The following KIF1B variants were observed in gnomAD, a reference collection of about 807,000 sequenced individuals.
The protein encoded by KIF1B is kinesin-like protein KIF1B.
A neutral mutation model predicts 241.9 loss-of-function variants in KIF1B; 76 were observed. The observed-to-expected ratio is 0.31, with a 90% confidence interval of 0.26 to 0.38. KIF1B has a LOEUF of 0.38. Among genes scored for constraint, KIF1B ranks in the 10% least tolerant of loss-of-function variants. The probability of loss-of-function intolerance (pLI) is 1.00; values close to 1 mark genes in which losing one functional copy is unlikely to be tolerated. For missense variants in KIF1B, 1,622 were observed against 2,271.4 expected, an observed-to-expected ratio of 0.71 and a Z score of 5.81; for synonymous variants, 750 against 796.7, an observed-to-expected ratio of 0.94 and a Z score of 0.99.
At chr1:10,285,897 CT>C (rs1409761106) in intron 15 of KIF1B, among the ~76,000 whole-genome samples, 2 of 152,158 alleles carry the variant, frequency 1.3e-5, no homozygotes, top group Non-Finnish European at 2.9e-5. Context: ...GTTTATTTTC[CT>C]AACATTTTAT....
At chr1:10,348,165 C>T (rs1035180195) in intron 36 of KIF1B, among the ~76,000 whole-genome samples, 1 of 152,094 alleles carries the variant, frequency 6.6e-6, no homozygotes, top group African/African-American at 2.4e-5. Flanking sequence ...ACCAGAAGTT[C>T]TTAATAGGAA....
At chr1:10,308,424 T>G in intron 22 of KIF1B, 1 of 1,044,482 alleles carries the variant, frequency 9.6e-7, no homozygotes, top group East Asian at 5.7e-5. Context: ...AATGAAGTTT[T>G]GAATCTTCTT....
chr1:10,315,870 A>G (rs1044229222), intron 22 of KIF1B, among the ~76,000 whole-genome samples: 1 of 151,280 alleles, frequency 6.6e-6, no homozygotes, highest in African/African-American at 2.5e-5. Flanking sequence ...AGCCTGGCCA[A>G]CATGGTAAAA....
intron 48 of KIF1B, among the ~76,000 whole-genome samples, chr1:10,376,094 C>T (rs1638882289): frequency 6.6e-6 from 1 of 152,004 alleles, no homozygotes; most frequent in African/African-American, 2.4e-5. Context: ...TGAGCCACCA[C>T]ATCTGGCTTG....
rs1246771312 is a variant in KIF1B, at chr1:10,230,434, T to TC, written c.-79-1816_-79-1815insC. Among the ~76,000 whole-genome samples the TC allele has an allele frequency of 2.0e-4, 28 of 142,826 alleles. No homozygotes were observed. The Middle Eastern group carries it at 0.019, about 99-fold the overall frequency. 93.7% of individuals were successfully genotyped at this position (142,826 alleles called of 152,430 possible). A position where few individuals can be genotyped will look rare whatever the true frequency, so the allele number is the denominator to read the frequency against. ...TAACTAGAAAAATTGGTTGTTTTTTTTTTCTTTCTTTTTTTTTTTGAGACG... is the reference window on the plus strand; with the variant it reads ...TAACTAGAAAAATTGGTTGTTTTTTTCTTTCTTTCTTTTTTTTTTTGAGACG... On this transcript the variant is annotated intron_variant, in intron 1 of 48. Transcript: ENST00000676179.
intron 38 of KIF1B, among the ~76,000 whole-genome samples, chr1:10,356,565 G>T (rs907567938): frequency 2.0e-5 from 3 of 151,190 alleles, no homozygotes; most frequent in Non-Finnish European, 4.4e-5. Context: ...TTGTTGCCCA[G>T]GCTAGAGTGT....
intron 2 of KIF1B, among the ~76,000 whole-genome samples, chr1:10,237,304 G>T (rs2102140334): frequency 6.6e-6 from 1 of 152,262 alleles, no homozygotes; most frequent in East Asian, 1.9e-4. Context: ...ATGAGCCAAA[G>T]TGAATGATCT....
chr1:10,254,045 G>A lies in KIF1B; in HGVS notation c.107-2202G>A, dbSNP rs1056367352. Among the ~76,000 whole-genome samples, 5 of 152,232 alleles carry A rather than the reference G, an allele frequency of 3.3e-5. No individual in the cohort carries two copies. In the South Asian group the frequency reaches 1.0e-3, roughly 32 times the overall value. On this transcript the variant is annotated intron_variant, in intron 2 of 48. Coordinates refer to ENST00000676179, the MANE Select transcript of KIF1B (RefSeq NM_001365951.3). Reference sequence around the variant, plus strand: ...GGCCTTGCCACATCTCAAAGGAGTAGATTGGTTGAGATATCCAGTCTTTGA... The same window carrying A: ...GGCCTTGCCACATCTCAAAGGAGTAAATTGGTTGAGATATCCAGTCTTTGA...
At chr1:10,268,433 T>G (rs1648590205) in intron 7 of KIF1B, among the ~76,000 whole-genome samples, 170 bp downstream of exon 7, 1 of 152,174 alleles carries the variant, frequency 6.6e-6, no homozygotes, top group Admixed American at 6.5e-5. Flanking sequence ...CCTACACCAG[T>G]TTTCTGTATA....
chr1:10,349,925 T>C (rs1652728264), intron 37 of KIF1B, among the ~76,000 whole-genome samples: 1 of 152,248 alleles, frequency 6.6e-6, no homozygotes, highest in Non-Finnish European at 1.5e-5. Flanking sequence ...AGCTCTTCTT[T>C]ACTGATGCAT....
At chr1:10,331,094 C>CA (rs57812252) in intron 27 of KIF1B, among the ~76,000 whole-genome samples, 33,445 of 128,790 alleles carry the variant, frequency 0.26, 4,420 homozygotes, top group Admixed American at 0.34. Flanking sequence ...AACCCCACCT[C>CA]AAAAAAAAAA....
At chr1:10,334,682 T>C (rs1418060968) in intron 28 of KIF1B, 44 bp downstream of exon 28, 2 of 1,477,730 alleles carry the variant, frequency 1.4e-6, no homozygotes, top group Admixed American at 3.3e-5. Flanking sequence ...GTTCTTTGTC[T>C]AGAGACAAAG....
chr1:10,282,272 T>G (rs1233239875), intron 14 of KIF1B, 50 bp from the exon 15 acceptor site: 1 of 1,443,914 alleles, frequency 6.9e-7, no homozygotes, highest in African/African-American at 1.4e-5. Context: ...TTCCTCTGCT[T>G]CTTTCCCTTT....
chr1:10,215,260 T>G lies in KIF1B; in HGVS notation c.-80+4382T>G, dbSNP rs1409105828. 8.0e-5 allele frequency among the ~76,000 whole-genome samples: 11 copies of G among 137,664 alleles called. No individual in the cohort carries two copies. In the East Asian group the frequency reaches 2.6e-3, roughly 32 times the overall value. 90.3% of individuals were successfully genotyped at this position (137,664 alleles called of 152,430 possible). ...GGCGCGATCTCGGCTCACCGTAACC[T>G]CCACCTCCCAGGTTCAAGCGGTTCT... On this transcript the variant is annotated intron_variant, in intron 1 of 48. Transcript: ENST00000676179.
Position 10,232,410 on chromosome 1 carries a change from A to G in KIF1B, c.82A>G (p.Ile28Val), listed in dbSNP as rs1646994908. The change falls in exon 2 of 49, where the codon ATT becomes GTT. Residue 28 changes from isoleucine to valine, a missense_variant. Ile to Val is a conservative substitution (Grantham distance 29, BLOSUM62 3). Around this residue, in one of 7 missense-constraint regions of KIF1B, gnomAD observed 156 missense variants for 244.8 expected, o/e 0.64. Coordinates refer to ENST00000676179, the MANE Select transcript of KIF1B (RefSeq NM_001365951.3). Reference sequence around the variant, plus strand: ...GACCAGCAAGGAATCCAAATGCATCATTCAGATGCAAGGCAACTCGACCAG... The same window carrying G: ...GACCAGCAAGGAATCCAAATGCATCGTTCAGATGCAAGGCAACTCGACCAG... ...RETSKESKCI[I>V]QMQGNSTSII... The G allele has an allele frequency of 6.2e-7, 1 of 1,612,502 alleles. No individual in the cohort carries two copies. Among genetic ancestry groups the G allele is most frequent in the African/African-American group, 1.3e-5 (1 of 75,022 alleles).
intron 2 of KIF1B, among the ~76,000 whole-genome samples, chr1:10,234,758 G>GT: frequency 6.6e-6 from 1 of 151,978 alleles, no homozygotes; most frequent in Middle Eastern, 3.4e-3. Context: ...TCCTGGGCTC[G>GT]AGTGATCCTT....
rs535935005 is a variant in KIF1B at position 10,309,358 on chromosome 1, C to T, written c.2116-10685C>T. On this transcript the variant is annotated intron_variant, in intron 22 of 48. Transcript: ENST00000676179. ...GTTGGAAAAGTTGCAATGTCCCTAC[C>T]GTTTATAGGGTGACACAGAAGATTA... is the stretch of plus-strand genomic sequence containing the variant. 3.3e-4 allele frequency among the ~76,000 whole-genome samples: 50 copies of T among 152,212 alleles called. 1 individual carries two copies. In the South Asian group the frequency reaches 9.3e-3, roughly 28 times the overall value.
chr1:10,373,614 C>T (rs187214515), intron 45 of KIF1B, among the ~76,000 whole-genome samples: 2 of 152,036 alleles, frequency 1.3e-5, no homozygotes, highest in East Asian at 3.9e-4. Flanking sequence ...AGATACAATG[C>T]TATGTTACTC....
At chr1:10,316,238 A>T (rs1322015760) in intron 22 of KIF1B, among the ~76,000 whole-genome samples, 1 of 151,242 alleles carries the variant, frequency 6.6e-6, no homozygotes, top group African/African-American at 2.5e-5. Flanking sequence ...TTCTCCAAAA[A>T]AAAGGAAAAA....
Sources: gnomAD v4.1 joint callset for allele counts (sites outside exome capture counted in the v4.1 genomes callset) on GRCh38, gnomAD v4.1.1 for gene constraint, gnomAD v4.1.1 regional missense constraint, MANE v1.5 for transcripts, NCBI Gene and HGNC (gene_info 2026-07-23, HGNC 2026-07-21) for gene names.